EPB41: variants seen among roughly 807,000 people sequenced by gnomAD.
The protein encoded by EPB41 is protein 4.1.
In EPB41, 65 loss-of-function variants were observed where a neutral mutation model predicts 108.0. That is an observed-to-expected ratio of 0.60 (90% CI 0.49 to 0.74). EPB41 has a LOEUF of 0.74. Ranked by LOEUF, EPB41 falls within the 30% of genes least tolerant of loss-of-function variation. The pLI, the probability that EPB41 is intolerant of heterozygous loss-of-function variation, is 0.00. For missense variants in EPB41, 875 were observed against 1,037.0 expected, an observed-to-expected ratio of 0.84 and a Z score of 2.15; for synonymous variants, 336 against 358.9, an observed-to-expected ratio of 0.94 and a Z score of 0.72.
chr1:29,109,104 A>G (rs1357098693), intron 17 of EPB41, among the ~76,000 whole-genome samples: 1 of 151,902 alleles, frequency 6.6e-6, no homozygotes, highest in Admixed American at 6.6e-5. Flanking sequence ...AGGCTGAGGC[A>G]GGAGAATTGC....
At chr1:29,002,491 T>C (rs910178190) in intron 4 of EPB41, among the ~76,000 whole-genome samples, 3 of 151,874 alleles carry the variant, frequency 2.0e-5, no homozygotes, top group African/African-American at 7.3e-5. Flanking sequence ...TAAAATGAAA[T>C]TACCAATTAA....
At chr1:28,994,820 G>A (rs1050150814) in intron 3 of EPB41, among the ~76,000 whole-genome samples, 2 of 150,464 alleles carry the variant, frequency 1.3e-5, no homozygotes, top group African/African-American at 4.9e-5. Flanking sequence ...CATCACACCT[G>A]GCTAATTTTT....
intron 16 of EPB41, chr1:29,071,857 T>G (rs774722788): frequency 1.3e-5 from 2 of 152,220 alleles, no homozygotes; most frequent in African/African-American, 4.8e-5. Flanking sequence ...TTTATAGGGT[T>G]ATCAAACTAA....
intron 16 of EPB41, chr1:29,071,529 A>C (rs954386009): frequency 3.3e-5 from 5 of 152,190 alleles, no homozygotes; most frequent in Non-Finnish European, 7.3e-5. Context: ...ATATATTGAT[A>C]TACTTTGTTT....
At chr1:29,016,342 ATTTTTTTT>A (rs11362146) in intron 6 of EPB41, among the ~76,000 whole-genome samples, 1 of 135,776 alleles carries the variant, frequency 7.4e-6, no homozygotes, top group African/African-American at 2.8e-5. Flanking sequence ...CGCCCTGCTA[ATTTTTTTT>A]TTTTTTTTTT....
At chr1:29,068,439 G>C (rs1649533308) in intron 16 of EPB41, among the ~76,000 whole-genome samples, 1 of 152,180 alleles carries the variant, frequency 6.6e-6, no homozygotes, top group Non-Finnish European at 1.5e-5. Flanking sequence ...TGGGAATGGT[G>C]ATGTCATTCT....
At chr1:29,105,436 C>T (rs1206254548) in intron 17 of EPB41, among the ~76,000 whole-genome samples, 1 of 152,016 alleles carries the variant, frequency 6.6e-6, no homozygotes, top group Non-Finnish European at 1.5e-5. Context: ...CGGGGTTTCA[C>T]CATGTTGGCC....
chr1:28,991,533 A>G (rs1369103778), intron 2 of EPB41, among the ~76,000 whole-genome samples: 2 of 151,740 alleles, frequency 1.3e-5, no homozygotes, highest in African/African-American at 4.8e-5. Flanking sequence ...GAGAAACACC[A>G]TCTCTACAAA....
rs1281576838 is a variant in EPB41 at position 29,009,140 on chromosome 1, CTTCT to C, written c.787-2722_787-2719del. Among the ~76,000 whole-genome samples, 7 of 145,168 alleles carry C rather than the reference CTTCT, an allele frequency of 4.8e-5. No individual in the cohort carries two copies. In the East Asian group the frequency reaches 9.4e-4, roughly 19 times the overall value. On this transcript the variant is annotated intron_variant, in intron 4 of 20. Coordinates refer to ENST00000343067, the MANE Select transcript of EPB41 (RefSeq NM_001376013.1). Reference sequence around the variant, plus strand: ...TAAGGACCAGTGCTAGTTTTTAATCCTTCTTTTTTTTTTTTTTTTGTAACCACAG... The same window carrying C: ...TAAGGACCAGTGCTAGTTTTTAATCCTTTTTTTTTTTTTTTGTAACCACAG...
At chr1:29,085,253 A>C (rs1329694019) in intron 16 of EPB41, among the ~76,000 whole-genome samples, 1 of 146,280 alleles carries the variant, frequency 6.8e-6, no homozygotes. Flanking sequence ...AGTGATTCTC[A>C]TGCCTCAGCC....
At chr1:29,049,553 A>G (rs1644121383) in intron 11 of EPB41, among the ~76,000 whole-genome samples, 1 of 152,198 alleles carries the variant, frequency 6.6e-6, no homozygotes, top group Non-Finnish European at 1.5e-5. Context: ...AAAAACAAAC[A>G]TTGTATCAGA....
rs2096605733 is a variant in EPB41, at chr1:29,018,555, A to G, written c.1124+113A>G. On this transcript the variant is annotated intron_variant, in intron 7 of 20. Transcript: ENST00000343067. The surrounding 1 kb of genome is among the most constrained non-coding windows in gnomAD (Gnocchi z 4.4). ...GGATCATGGTGCCATAGAAAGAGTC[A>G]GTTTCCTCCACTGTTTGACTTTGGG... 9.2e-7 allele frequency: 1 copy of G among 1,088,386 alleles called. No homozygotes were observed. The highest frequency in any genetic ancestry group is 2.4e-5 in the East Asian group (1 of 41,230). The allele number at this position is 1,088,386 out of a possible 1,614,324, so 67.4% of individuals were successfully genotyped here. A position where few individuals can be genotyped will look rare whatever the true frequency, so the allele number is the denominator to read the frequency against.
chr1:28,902,291 G>A, intron 1 of EPB41: 2 of 985,390 alleles, frequency 2.0e-6, no homozygotes, highest in Non-Finnish European at 2.4e-6. Context: ...GTTTCAATTG[G>A]AGTGCCCAAA....
At position 29,120,022 on chromosome 1, in the gene EPB41, A is replaced by G. The variant is rs944063197; in HGVS notation, c.*3210A>G. ...TGCTTCTTGTATTGCATTTTTTTCA[A>G]TAAACAACAACAAAAAGAACTCTCT... On this transcript the variant is annotated 3_prime_UTR_variant, in exon 21 of 21. Coordinates refer to ENST00000343067, the MANE Select transcript of EPB41 (RefSeq NM_001376013.1). 1.3e-5 allele frequency: 2 copies of G among 152,584 alleles called. No individual in the cohort carries two copies. Among genetic ancestry groups the G allele is most frequent in the African/African-American group, 4.8e-5 (2 of 41,440 alleles). The allele number at this position is 152,584 out of a possible 1,614,324, so 9.5% of individuals were successfully genotyped here.
At chr1:29,109,052 G>T (rs1668255835) in intron 17 of EPB41, among the ~76,000 whole-genome samples, 1 of 151,916 alleles carries the variant, frequency 6.6e-6, no homozygotes, top group Non-Finnish European at 1.5e-5. Flanking sequence ...TACAAAATTA[G>T]CCCGGTGTGG....
chr1:28,911,389 A>G (rs1366749502), upstream of EPB41, among the ~76,000 whole-genome samples: 1 of 152,226 alleles, frequency 6.6e-6, no homozygotes, highest in East Asian at 1.9e-4. Flanking sequence ...TCTGAATTTC[A>G]GAGTAGTTCA....
chr1:29,003,642 TTTG>T (rs2149789217), intron 4 of EPB41, among the ~76,000 whole-genome samples: 1 of 152,350 alleles, frequency 6.6e-6, no homozygotes, highest in South Asian at 2.1e-4. Context: ...AGCTTTGTGC[TTTG>T]TTTGTAGACA....
chr1:29,015,202 T>G (rs897407713), intron 5 of EPB41, among the ~76,000 whole-genome samples: 1 of 152,216 alleles, frequency 6.6e-6, no homozygotes, highest in African/African-American at 2.4e-5. Context: ...GCAACTTTCT[T>G]CTTTTTAAAA....
chr1:29,097,716 A>AAGCTAACAC, intron 16 of EPB41, 91 bp from the exon 17 acceptor site: 1 of 1,468,818 alleles, frequency 6.8e-7, no homozygotes. Context: ...TACTTAATTA[A>AAGCTAACAC]AGCTAACACT....
Sources: gnomAD v4.1 joint callset for allele counts (sites outside exome capture counted in the v4.1 genomes callset) on GRCh38, gnomAD v4.1.1 for gene constraint, Gnocchi (gnomAD v3.1) non-coding constraint, MANE v1.5 for transcripts, NCBI Gene and HGNC (gene_info 2026-07-23, HGNC 2026-07-21) for gene names.